The following CA10 variants were observed in gnomAD, a reference collection of about 807,000 sequenced individuals.
CA10 encodes carbonic anhydrase-related protein 10.
In CA10, 14 loss-of-function variants were observed where a neutral mutation model predicts 44.2. The ratio of observed to expected loss-of-function variants is 0.32; its 90% CI spans 0.21 to 0.50. The LOEUF (loss-of-function observed/expected upper bound fraction) is 0.50, where lower values mean the gene tolerates loss of function less well. Ranked by LOEUF, CA10 falls within the 20% of genes least tolerant of loss-of-function variation. The pLI, the probability that CA10 is intolerant of heterozygous loss-of-function variation, is 0.99. For synonymous variants in CA10, 159 were observed against 141.6 expected (o/e 1.12, Z -0.87); for missense variants, 350 against 409.7 (o/e 0.85, Z 1.26).
At chr17:51,715,062 T>C (rs1046198584) in intron 4 of CA10, among the ~76,000 whole-genome samples, 10 of 152,224 alleles carry the variant, frequency 6.6e-5, no homozygotes, top group Admixed American at 6.5e-4. Context: ...TTCATGTCTT[T>C]GTAGGGACAC....
At chr17:51,809,356 G>A (rs1030816757) in intron 3 of CA10, among the ~76,000 whole-genome samples, 63 of 152,152 alleles carry the variant, frequency 4.1e-4, no homozygotes, top group African/African-American at 1.5e-3. Flanking sequence ...CAACATTGTG[G>A]CTATATGTCA....
intron 3 of CA10, among the ~76,000 whole-genome samples, chr17:51,855,885 G>A (rs1340908504): frequency 2.6e-5 from 4 of 152,192 alleles, no homozygotes; most frequent in Non-Finnish European, 5.9e-5. Context: ...GGGACTTGGA[G>A]CCTGAAGACT....
chr17:51,869,596 C>T (rs536393467), intron 3 of CA10, among the ~76,000 whole-genome samples: 1 of 152,266 alleles, frequency 6.6e-6, no homozygotes, highest in East Asian at 1.9e-4. Flanking sequence ...GCCATTTTGA[C>T]TCAGAATGAG....
chr17:51,891,692 G>A (rs1173081905), intron 3 of CA10, among the ~76,000 whole-genome samples: 3 of 152,216 alleles, frequency 2.0e-5, no homozygotes, highest in African/African-American at 7.2e-5. Flanking sequence ...AGGCAGGCAG[G>A]TGAGGGTTGG....
intron 3 of CA10, among the ~76,000 whole-genome samples, chr17:51,881,730 T>G (rs1322053247): frequency 6.6e-5 from 10 of 152,140 alleles, no homozygotes; most frequent in Non-Finnish European, 5.9e-5. Flanking sequence ...TTTCCCATAT[T>G]AAGTTGTCAA....
At position 51,855,195 on chromosome 17, in the gene CA10, G is replaced by A. The variant is rs908873472; in HGVS notation, c.279+75795C>T. ...ATAAAATGGAGGATAACGCCAGCTTGAAGAGTTATGAGGAAGAGGTAAAAT... is the reference window on the plus strand; with the variant it reads ...ATAAAATGGAGGATAACGCCAGCTTAAAGAGTTATGAGGAAGAGGTAAAAT... On this transcript the variant is annotated intron_variant, in intron 3 of 8. Transcript: ENST00000451037. 6.6e-5 allele frequency among the ~76,000 whole-genome samples: 10 copies of A among 152,272 alleles called. No individual in the cohort carries two copies. In the South Asian group the frequency reaches 2.1e-3, roughly 32 times the overall value.
At chr17:51,800,317 A>G (rs1906875408) in intron 3 of CA10, among the ~76,000 whole-genome samples, 2 of 152,204 alleles carry the variant, frequency 1.3e-5, no homozygotes, top group African/African-American at 4.8e-5. Context: ...TAGAAAGTAG[A>G]TTAGTGGTTG....
At chr17:51,813,067 G>A (rs1206026718) in intron 3 of CA10, among the ~76,000 whole-genome samples, 1 of 152,190 alleles carries the variant, frequency 6.6e-6, no homozygotes, top group Non-Finnish European at 1.5e-5. Context: ...AATAGAAGAA[G>A]CACAGAGTGA....
intron 3 of CA10, among the ~76,000 whole-genome samples, chr17:51,834,177 A>C (rs1395449022): frequency 6.6e-6 from 1 of 152,194 alleles, no homozygotes; most frequent in East Asian, 1.9e-4. Context: ...AGCACAACTT[A>C]ATCAGCCTTC....
intron 2 of CA10, among the ~76,000 whole-genome samples, chr17:51,962,782 C>T (rs1305160439): frequency 6.6e-6 from 1 of 152,112 alleles, no homozygotes; most frequent in East Asian, 1.9e-4. Context: ...AAATCCTACA[C>T]ACAGTTAAAT....
At chr17:51,832,114 G>A (rs1041237810) in intron 3 of CA10, among the ~76,000 whole-genome samples, 1 of 152,150 alleles carries the variant, frequency 6.6e-6, no homozygotes, top group African/African-American at 2.4e-5. Flanking sequence ...GTTTGAATCT[G>A]GCTCTTCCAC....
chr17:51,800,643 C>T (rs2143716573), intron 3 of CA10, among the ~76,000 whole-genome samples: 1 of 152,146 alleles, frequency 6.6e-6, no homozygotes, highest in African/African-American at 2.4e-5. Flanking sequence ...ATTTAATATA[C>T]AACAAGAAAA....
chr17:51,957,721 T>A (rs1983718750), intron 2 of CA10, among the ~76,000 whole-genome samples: 1 of 152,116 alleles, frequency 6.6e-6, no homozygotes, highest in African/African-American at 2.4e-5. Flanking sequence ...AAATGGAGTG[T>A]GCCACACACC....
rs3033579 is a variant in CA10, at chr17:51,876,160, GTTT to G, written c.279+54827_279+54829del. Among the ~76,000 whole-genome samples, 419 of 59,818 alleles carry G rather than the reference GTTT, an allele frequency of 7.0e-3. 2 individuals carry two copies. Among genetic ancestry groups the G allele is most frequent in the African/African-American group, 0.028 (368 of 13,276 alleles). The allele number at this position is 59,818 out of a possible 152,430, so 39.2% of individuals were successfully genotyped here. A position where few individuals can be genotyped will look rare whatever the true frequency, so the allele number is the denominator to read the frequency against. On this transcript the variant is annotated intron_variant, in intron 3 of 8. Transcript: ENST00000451037. Reference sequence around the variant, plus strand: ...AAGATAAAATTTTATTTCTTCTCTCGTTTTTTTTTTTTTTTTTTTTTTTTTGAA... The same window carrying G: ...AAGATAAAATTTTATTTCTTCTCTCGTTTTTTTTTTTTTTTTTTTTTTGAA...
chr17:51,817,094 T>C (rs918110539), intron 3 of CA10, among the ~76,000 whole-genome samples: 17 of 152,236 alleles, frequency 1.1e-4, no homozygotes, highest in Non-Finnish European at 2.4e-4. Flanking sequence ...CTTCCAAACT[T>C]GCTCTTAGAA....
chr17:52,106,196 C>T (rs1988658672), intron 1 of CA10, among the ~76,000 whole-genome samples: 1 of 152,198 alleles, frequency 6.6e-6, no homozygotes, highest in South Asian at 2.1e-4. Context: ...CTTGCCTTCA[C>T]CCTCCACACT....
chr17:51,883,170 G>GT, intron 3 of CA10, among the ~76,000 whole-genome samples: 1 of 152,110 alleles, frequency 6.6e-6, no homozygotes. Flanking sequence ...TTTTGACAGG[G>GT]TTAACAAACT....
chr17:51,987,611 T>G (rs1048105855), intron 2 of CA10, among the ~76,000 whole-genome samples: 1 of 151,970 alleles, frequency 6.6e-6, no homozygotes, highest in African/African-American at 2.4e-5. Flanking sequence ...AAATATTTAT[T>G]CAGAATATTC....
intron 3 of CA10, among the ~76,000 whole-genome samples, chr17:51,801,477 T>C (rs1906927955): frequency 6.6e-6 from 1 of 151,374 alleles, no homozygotes; most frequent in South Asian, 2.1e-4. Flanking sequence ...ATTTTCACAC[T>C]AGAGGAAAAA....
Sources: gnomAD v4.1 joint callset for allele counts (sites outside exome capture counted in the v4.1 genomes callset) on GRCh38, gnomAD v4.1.1 for gene constraint, MANE v1.5 for transcripts, NCBI Gene and HGNC (gene_info 2026-07-23, HGNC 2026-07-21) for gene names.